KCNK10: variants seen among roughly 807,000 people sequenced by gnomAD.
KCNK10 encodes potassium channel subfamily K member 10.
Under a neutral mutation model 47.7 loss-of-function variants are expected in KCNK10, and 25 were observed. The observed-to-expected ratio is 0.52, with a 90% CI of 0.38 to 0.73. The LOEUF is 0.73. Among genes scored for constraint, KCNK10 ranks in the 30% least tolerant of loss-of-function variants. KCNK10 has a pLI of 0.00. For missense variants in KCNK10, 563 were observed against 714.5 expected (o/e 0.79, Z 2.42); for synonymous variants, 303 against 285.6 (o/e 1.06, Z -0.61).
rs149228604 is a variant in KCNK10, at chr14:88,248,517, G to A, written c.403-7697C>T. ...GCTGAGACAGGAGGATTGCTTGAGC[G>A]CAGGAGTTCAAGGCCAGCCTGGGCA... On this transcript the variant is annotated intron_variant, in intron 2 of 6. Coordinates refer to ENST00000319231, the MANE Select transcript of KCNK10 (RefSeq NM_138317.3). 1.8e-4 allele frequency among the ~76,000 whole-genome samples: 27 copies of A among 152,122 alleles called. 1 individual carries two copies. In the East Asian group the frequency reaches 4.5e-3, roughly 25 times the overall value.
chr14:88,319,254 C>G (rs1888493230), intron 1 of KCNK10, among the ~76,000 whole-genome samples: 1 of 152,222 alleles, frequency 6.6e-6, no homozygotes, highest in Non-Finnish European at 1.5e-5. Context: ...AATCTATTCT[C>G]AAACCACCTT....
rs531973518 is a variant in KCNK10, at chr14:88,248,324, T to G, written c.403-7504A>C. On this transcript the variant is annotated intron_variant, in intron 2 of 6. Coordinates refer to ENST00000319231, the MANE Select transcript of KCNK10 (RefSeq NM_138317.3). ...CAGAGCCTGAAATTTAATATTTAGA[T>G]GATTAATAACATCATGAAAAAGAGA... is the stretch of plus-strand genomic sequence containing the variant. 7.9e-5 allele frequency among the ~76,000 whole-genome samples: 12 copies of G among 152,352 alleles called. No homozygotes were observed. In the South Asian group the frequency reaches 8.3e-4, roughly 11 times the overall value.
intron 1 of KCNK10, among the ~76,000 whole-genome samples, chr14:88,264,814 A>G (rs1007863719): frequency 1.3e-5 from 2 of 152,250 alleles, no homozygotes; most frequent in Non-Finnish European, 2.9e-5. Context: ...AGAATCAGCA[A>G]CCTGGGCATT....
chr14:88,242,533 T>C (rs2139892439), intron 2 of KCNK10, among the ~76,000 whole-genome samples: 1 of 152,342 alleles, frequency 6.6e-6, no homozygotes, highest in African/African-American at 2.4e-5. Context: ...TTTCTGCCTC[T>C]AAGAGAACAT....
At chr14:88,310,376 G>T (rs535254683) in intron 1 of KCNK10, among the ~76,000 whole-genome samples, 44 of 151,806 alleles carry the variant, frequency 2.9e-4, no homozygotes, top group African/African-American at 9.9e-4. Flanking sequence ...CCCCATTTCT[G>T]CAGGCACTCA....
intron 2 of KCNK10, among the ~76,000 whole-genome samples, chr14:88,241,528 T>C (rs1886468911): frequency 6.6e-6 from 1 of 152,120 alleles, no homozygotes; most frequent in South Asian, 2.1e-4. Context: ...TCGCTCTTTT[T>C]AAAAATAAGC....
In KCNK10 at chr14:88,195,753, C is replaced by A. The variant is rs148738827; in HGVS notation, c.682-3343G>T. 2.3e-3 allele frequency among the ~76,000 whole-genome samples: 348 copies of A among 152,246 alleles called. 2 individuals are homozygous for A. Among genetic ancestry groups the A allele is most frequent in the African/African-American group, 8.2e-3 (342 of 41,530 alleles). ...CCCGTCCCATTTTTCATCATCCTTC[C>A]GAAACTGCCAAGAATTGCAGATAAC... On this transcript the variant is annotated intron_variant, in intron 4 of 6. Transcript: ENST00000319231.
chr14:88,284,691 G>C (rs1457620098), intron 1 of KCNK10, among the ~76,000 whole-genome samples: 1 of 152,128 alleles, frequency 6.6e-6, no homozygotes, highest in Non-Finnish European at 1.5e-5. Flanking sequence ...TTTTAGCCGT[G>C]CTGGCAGCCA....
chr14:88,281,411 G>C (rs1007574834), intron 1 of KCNK10, among the ~76,000 whole-genome samples: 57 of 152,302 alleles, frequency 3.7e-4, no homozygotes, highest in African/African-American at 1.3e-3. Flanking sequence ...TAAGTTAGCA[G>C]AGTGAGTAAA....
chr14:88,290,120 T>C (rs1204261895), intron 1 of KCNK10, among the ~76,000 whole-genome samples: 1 of 152,086 alleles, frequency 6.6e-6, no homozygotes, highest in Non-Finnish European at 1.5e-5. Context: ...ACAAAGGGAT[T>C]TTGCTGATGT....
At chr14:88,257,123 C>T (rs981182973) in intron 2 of KCNK10, among the ~76,000 whole-genome samples, 8 of 152,132 alleles carry the variant, frequency 5.3e-5, no homozygotes, top group Non-Finnish European at 1.0e-4. Context: ...TAAATATAGC[C>T]TTTTCTCTAT....
intron 2 of KCNK10, among the ~76,000 whole-genome samples, chr14:88,248,961 AG>A (rs1167446816): frequency 6.6e-6 from 1 of 152,192 alleles, no homozygotes; most frequent in Admixed American, 6.5e-5. Context: ...AAATCCTGTG[AG>A]GTTATAGTAG....
chr14:88,185,215 G>T lies in KCNK10; in HGVS notation c.*320C>A, dbSNP rs1884501119. ...GCTGGTCTAAGGAATAGCTGCCCTT[G>T]TCTACGTGTGTGCCCAGGTAGCACT... On this transcript the variant is annotated 3_prime_UTR_variant, in exon 7 of 7. Transcript: ENST00000319231. This position sits in a 1 kb window ranked among gnomAD's most constrained non-coding sequence, Gnocchi z 4.3. 6.8e-6 allele frequency: 2 copies of T among 292,168 alleles called. No homozygotes were observed. Among genetic ancestry groups the T allele is most frequent in the South Asian group, 9.8e-5 (2 of 20,390 alleles). The allele number at this position is 292,168 out of a possible 1,614,324, so 18.1% of individuals were successfully genotyped here.
At chr14:88,198,493 A>G (rs899914080) in intron 4 of KCNK10, among the ~76,000 whole-genome samples, 20 of 152,220 alleles carry the variant, frequency 1.3e-4, no homozygotes, top group Non-Finnish European at 2.2e-4. Flanking sequence ...AGCATACAAT[A>G]ATACTACAGT....
At chr14:88,207,003 A>G (rs1595080624) in intron 4 of KCNK10, among the ~76,000 whole-genome samples, 1 of 152,190 alleles carries the variant, frequency 6.6e-6, no homozygotes, top group African/African-American at 2.4e-5. Flanking sequence ...CTGATGAGGT[A>G]AAAGTGTCTG....
At chr14:88,288,827 A>C (rs1183257866) in intron 1 of KCNK10, among the ~76,000 whole-genome samples, 3 of 152,152 alleles carry the variant, frequency 2.0e-5, no homozygotes, top group Non-Finnish European at 2.9e-5. Flanking sequence ...AGGGCCTTAC[A>C]GGGTAGCTCC....
chr14:88,307,494 TC>T lies in KCNK10; in HGVS notation c.52+15252del, dbSNP rs1416312962. On this transcript the variant is annotated intron_variant, in intron 1 of 6. Coordinates refer to ENST00000319231, the MANE Select transcript of KCNK10 (RefSeq NM_138317.3). Reference sequence around the variant, plus strand: ...AGTGACTGCTAATGGATATGGAGTTTCTTTTTGGAGTCATGAAAATTTTCTA... The same window carrying T: ...AGTGACTGCTAATGGATATGGAGTTTTTTTTGGAGTCATGAAAATTTTCTA... 2.6e-5 allele frequency among the ~76,000 whole-genome samples: 4 copies of T among 152,320 alleles called. No individual in the cohort carries two copies. The East Asian group carries it at 7.7e-4, about 29-fold the overall frequency.
In KCNK10 at chr14:88,241,322, C is replaced by A. The variant is rs543391386; in HGVS notation, c.403-502G>T. On this transcript the variant is annotated intron_variant, in intron 2 of 6. Coordinates refer to ENST00000319231, the MANE Select transcript of KCNK10 (RefSeq NM_138317.3). ...CAGAACCTTGGGCAAGTTGTTTGAA[C>A]CTCTCTGAGCCTAGTTTCCTCATTT... 2.0e-5 allele frequency among the ~76,000 whole-genome samples: 3 copies of A among 152,322 alleles called. No individual in the cohort carries two copies. In the East Asian group the frequency reaches 5.8e-4, roughly 29 times the overall value.
At chr14:88,292,028 G>A (rs1488168064) in intron 1 of KCNK10, among the ~76,000 whole-genome samples, 3 of 152,250 alleles carry the variant, frequency 2.0e-5, no homozygotes, top group Non-Finnish European at 4.4e-5. Context: ...ATCCATGTCT[G>A]TAGAGGAAAG....
Sources: allele counts gnomAD v4.1 joint callset (sites outside exome capture counted in the v4.1 genomes callset), GRCh38; gene constraint gnomAD v4.1.1; non-coding constraint Gnocchi (gnomAD v3.1); transcripts MANE v1.5; gene names NCBI Gene and HGNC (gene_info 2026-07-23, HGNC 2026-07-21).